Variants in CHID1 observed in about 807,000 individuals in gnomAD.
The protein encoded by CHID1 is chitinase domain-containing protein 1.
A neutral mutation model predicts 55.4 loss-of-function variants in CHID1; 44 were observed. That is an observed-to-expected ratio of 0.79 (90% CI 0.62 to 1.02). CHID1 has a LOEUF of 1.02. CHID1 is among the 50% of genes least tolerant of loss of function. The pLI, the probability that CHID1 is intolerant of heterozygous loss-of-function variation, is 0.00. For missense variants in CHID1, 491 were observed against 515.3 expected (o/e 0.95, Z 0.46); for synonymous variants, 216 against 212.9 (o/e 1.01, Z -0.13).
At chr11:897,841 G>A (rs1269338455) in intron 7 of CHID1, among the ~76,000 whole-genome samples, 2 of 152,042 alleles carry the variant, frequency 1.3e-5, no homozygotes, top group African/African-American at 4.8e-5. Flanking sequence ...ATTGAGGGGT[G>A]CTGGCGGAGG....
At chr11:905,720 G>T (rs902872612) in intron 1 of CHID1, among the ~76,000 whole-genome samples, 1 of 151,736 alleles carries the variant, frequency 6.6e-6, no homozygotes, top group East Asian at 1.9e-4. Flanking sequence ...CGATAATAAC[G>T]ATGATGGTGG....
At chr11:901,974 C>T (rs1851842136) in intron 4 of CHID1, among the ~76,000 whole-genome samples, 1 of 152,124 alleles carries the variant, frequency 6.6e-6, no homozygotes, top group Admixed American at 6.5e-5. Flanking sequence ...GACATGTCCA[C>T]ACCGACAGTC....
At chr11:898,015 T>G (rs1851506115) in intron 7 of CHID1, among the ~76,000 whole-genome samples, 1 of 152,120 alleles carries the variant, frequency 6.6e-6, no homozygotes, top group South Asian at 2.1e-4. Flanking sequence ...TCCCAGCCAG[T>G]GAGTCCCTCA....
At chr11:874,726 G>T (rs1330234049) in intron 10 of CHID1, 1 of 152,268 alleles carries the variant, frequency 6.6e-6, no homozygotes, top group East Asian at 1.9e-4. Flanking sequence ...AGGCTGTAAT[G>T]ATTACAGGCG....
At chr11:884,876 G>A (rs1310893575) in intron 8 of CHID1, among the ~76,000 whole-genome samples, 1 of 152,222 alleles carries the variant, frequency 6.6e-6, no homozygotes, top group Non-Finnish European at 1.5e-5. Context: ...TTCCCTCGGG[G>A]ACCTGCTCCT....
chr11:884,289 GTTC>G, intron 8 of CHID1, 120 bp from the exon 9 acceptor site: 1 of 694,712 alleles, frequency 1.4e-6, no homozygotes, highest in Non-Finnish European at 2.4e-6. Flanking sequence ...GGGGAAAAGT[GTTC>G]TTCTGGGGTG....
intron 7 of CHID1, 34 bp downstream of exon 7, chr11:899,306 G>T: frequency 1.3e-6 from 2 of 1,575,618 alleles, no homozygotes; most frequent in South Asian, 2.3e-5. Flanking sequence ...AGGGCCAGGA[G>T]GAGGGCCACC....
rs1851933012 is a variant in CHID1, at chr11:902,966, G to T, written c.257C>A (p.Thr86Asn). The T allele has an allele frequency of 6.2e-7, 1 of 1,613,370 alleles. No homozygotes were observed. Among genetic ancestry groups the T allele is most frequent in the Non-Finnish European group, 8.5e-7 (1 of 1,179,480 alleles). The change falls in exon 3 of 13, where the codon ACT becomes AAT. Residue 86 changes from threonine (T) to asparagine (N), a missense_variant. Transcript: ENST00000323578. ...HFAGDVLGYV[T>N]PWNSHGYDVT... ...ACTGTGAGGGCCCCAACTTACTGGA[G>T]TGACATAGCCCAGTACATCCCCAGC...
At chr11:910,687 G>A in intron 1 of CHID1, 88 bp downstream of exon 1, 1 of 1,265,914 alleles carries the variant, frequency 7.9e-7, no homozygotes, top group South Asian at 1.3e-5. Context: ...CCGGGGCCGA[G>A]CCTCGCTGCC....
chr11:887,337 T>C (rs1850478510), intron 8 of CHID1, among the ~76,000 whole-genome samples: 1 of 152,194 alleles, frequency 6.6e-6, no homozygotes, highest in African/African-American at 2.4e-5. Context: ...CCGTCGTTGC[T>C]TTCCCACCAC....
intron 2 of CHID1, among the ~76,000 whole-genome samples, chr11:903,316 T>C (rs1307136826): frequency 1.3e-5 from 2 of 152,202 alleles, no homozygotes; most frequent in East Asian, 1.9e-4. Flanking sequence ...CAACAGACAC[T>C]GGCCGACGGT....
At chr11:910,937 T>TCGGGGCCGGGGCCGGGGCCGGGGC (rs1241404096), upstream of CHID1, 1 of 592,170 alleles carries the variant, frequency 1.7e-6, no homozygotes, top group Non-Finnish European at 2.1e-6. Context: ...TGCCCGAAAG[T>TCGGGGCCGGGGCCGGGGCCGGGGC]CGGGGCCGGG....
chr11:898,575 G>A (rs996318030), intron 7 of CHID1, among the ~76,000 whole-genome samples: 3 of 152,234 alleles, frequency 2.0e-5, no homozygotes, highest in East Asian at 1.9e-4. Flanking sequence ...TATCTTTTGC[G>A]GGGCAGTCGC....
rs1200932993 is a variant in CHID1 at position 870,355 on chromosome 11, T to TCCACC, written c.1040+59_1040+63dup. ...CCCTGGGCCCTGCTGCTCCCTCATC[T>TCCACC]CCACCCCCAGGGCCCCTCCCTGCAC... On this transcript the variant is annotated intron_variant, in intron 11 of 12. Coordinates refer to ENST00000323578, the MANE Select transcript of CHID1 (RefSeq NM_023947.4). The TCCACC allele has an allele frequency of 9.1e-6, 13 of 1,429,858 alleles. No individual in the cohort carries two copies. The East Asian group carries it at 1.9e-4, about 21-fold the overall frequency. 88.6% of individuals were successfully genotyped at this position (1,429,858 alleles called of 1,614,324 possible). A position where few individuals can be genotyped will look rare whatever the true frequency, so the allele number is the denominator to read the frequency against.
intron 10 of CHID1, chr11:882,644 G>A (rs778646889): frequency 2.6e-5 from 4 of 154,826 alleles, no homozygotes; most frequent in Non-Finnish European, 4.3e-5. Context: ...AACGCTGTCC[G>A]AATGAGAGGG....
intron 9 of CHID1, among the ~76,000 whole-genome samples, 185 bp from the exon 10 acceptor site, chr11:883,488 C>T (rs1023828937): frequency 6.6e-6 from 1 of 152,086 alleles, no homozygotes; most frequent in Non-Finnish European, 1.5e-5. Context: ...AGGGACGTCA[C>T]GTCCAGGGCC....
chr11:884,301 T>G (rs919854906), intron 8 of CHID1, 132 bp from the exon 9 acceptor site: 1 of 650,066 alleles, frequency 1.5e-6, no homozygotes, highest in African/African-American at 1.8e-5. Flanking sequence ...TCTTCTGGGG[T>G]GGGGACAGCC....
chr11:879,735 AC>A (rs1300914282), intron 10 of CHID1, among the ~76,000 whole-genome samples: 1 of 152,232 alleles, frequency 6.6e-6, no homozygotes, highest in Non-Finnish European at 1.5e-5. Flanking sequence ...CAAAAGCCCA[AC>A]CAGAATTGAG....
At chr11:872,186 G>A (rs1270196661) in intron 10 of CHID1, among the ~76,000 whole-genome samples, 1 of 152,212 alleles carries the variant, frequency 6.6e-6, no homozygotes, top group Non-Finnish European at 1.5e-5. Flanking sequence ...TTGAGACAAA[G>A]TCTCGCTGTC....
Sources: allele counts gnomAD v4.1 joint callset (sites outside exome capture counted in the v4.1 genomes callset), GRCh38; gene constraint gnomAD v4.1.1; transcripts MANE v1.5; gene names NCBI Gene and HGNC (gene_info 2026-07-23, HGNC 2026-07-21).